The following TASP1 variants were observed in gnomAD, a reference collection of about 807,000 sequenced individuals.
TASP1 encodes the protein taspase 1, also known as threonine aspartase 1.
In TASP1, 16 loss-of-function variants were observed where a neutral mutation model predicts 56.6. That is an observed-to-expected ratio of 0.28 (90% CI 0.19 to 0.43). TASP1 has a LOEUF of 0.43. Among genes scored for constraint, TASP1 ranks in the 20% least tolerant of loss-of-function variants. The probability of loss-of-function intolerance (pLI) is 1.00; values close to 1 mark genes in which losing one functional copy is unlikely to be tolerated. For missense variants in TASP1, 393 were observed against 511.6 expected, an observed-to-expected ratio of 0.77 and a Z score of 2.24; for synonymous variants, 179 against 184.2, an observed-to-expected ratio of 0.97 and a Z score of 0.23.
chr20:13,298,317 G>A, the TASP1 span, among the ~76,000 whole-genome samples: 2 of 152,120 alleles, frequency 1.3e-5, no homozygotes, highest in African/African-American at 4.8e-5. Context: ...TTGTTGGCCA[G>A]GCTGGTCTTA....
the TASP1 span, among the ~76,000 whole-genome samples, chr20:13,131,637 T>C: frequency 6.6e-6 from 1 of 152,178 alleles, no homozygotes; most frequent in African/African-American, 2.4e-5. Context: ...ACTTGACATA[T>C]ATTCAGAATC....
At chr20:13,534,258 T>G in intron 8 of TASP1, 117 bp from the exon 9 acceptor site, 1 of 1,255,400 alleles carries the variant, frequency 8.0e-7, no homozygotes, top group Non-Finnish European at 1.1e-6. Flanking sequence ...AATCCCTAAG[T>G]GGAACATTGA....
chr20:13,605,973 T>C (rs1416583242), intron 4 of TASP1, among the ~76,000 whole-genome samples: 2 of 152,120 alleles, frequency 1.3e-5, no homozygotes, highest in Non-Finnish European at 2.9e-5. Context: ...TCTTCTCTCT[T>C]ACCACACTCC....
At chr20:13,146,721 T>C in the TASP1 span, among the ~76,000 whole-genome samples, 4 of 152,210 alleles carry the variant, frequency 2.6e-5, no homozygotes, top group African/African-American at 9.7e-5. Context: ...CAGAAATTTT[T>C]CATCTTCTAT....
intron 5 of TASP1, 77 bp downstream of exon 5, chr20:13,587,173 C>A: frequency 6.8e-7 from 1 of 1,477,436 alleles, no homozygotes; most frequent in South Asian, 1.4e-5. Context: ...GTGAAAAAGA[C>A]TGTAATCATC....
chr20:13,395,693 C>CT (rs71188158), intron 13 of TASP1, among the ~76,000 whole-genome samples: 15,586 of 136,314 alleles, frequency 0.11, 1,519 homozygotes, highest in African/African-American at 0.27. Flanking sequence ...CCTCAGCTTT[C>CT]TTTTTTTTTT....
At chr20:13,306,974 C>T in the TASP1 span, among the ~76,000 whole-genome samples, 1 of 152,256 alleles carries the variant, frequency 6.6e-6, no homozygotes, top group South Asian at 2.1e-4. Context: ...AGGAAAAAGA[C>T]CACATTTGAA....
the TASP1 span, among the ~76,000 whole-genome samples, chr20:13,344,914 C>T: frequency 1.3e-5 from 2 of 152,260 alleles, no homozygotes; most frequent in Non-Finnish European, 1.5e-5. Context: ...TGAAGCACAT[C>T]GAAGGCCCTC....
the TASP1 span, among the ~76,000 whole-genome samples, chr20:13,350,121 A>C: frequency 2.0e-5 from 3 of 152,228 alleles, no homozygotes; most frequent in African/African-American, 7.2e-5. Context: ...TGACAGAGCA[A>C]AGTCCTGTCT....
At chr20:13,298,931 G>C in the TASP1 span, 1 of 1,611,502 alleles carries the variant, frequency 6.2e-7, no homozygotes. Context: ...TTTCTCTTTG[G>C]CCTTTTCCAG....
At chr20:13,601,844 C>T (rs972488089) in intron 4 of TASP1, among the ~76,000 whole-genome samples, 31 of 149,320 alleles carry the variant, frequency 2.1e-4, no homozygotes, top group Admixed American at 2.0e-3. Flanking sequence ...TAAGGTCTTC[C>T]ACCTAAAAAC....
intron 9 of TASP1, among the ~76,000 whole-genome samples, chr20:13,529,989 A>T (rs2045156424): frequency 1.3e-5 from 2 of 152,094 alleles, no homozygotes; most frequent in African/African-American, 2.4e-5. Flanking sequence ...ACCTCCAACC[A>T]CTAGTCCTGC....
the TASP1 span, among the ~76,000 whole-genome samples, chr20:13,325,161 T>C: frequency 6.6e-6 from 1 of 151,996 alleles, no homozygotes; most frequent in Non-Finnish European, 1.5e-5. Context: ...GCCCGACAAA[T>C]GGGGTGAGGT....
intron 12 of TASP1, among the ~76,000 whole-genome samples, chr20:13,422,417 T>C (rs1031138418): frequency 6.6e-6 from 1 of 152,162 alleles, no homozygotes; most frequent in Non-Finnish European, 1.5e-5. Flanking sequence ...TTTAGCTGCT[T>C]TTCCATCTTT....
Position 13,475,586 on chromosome 20 carries a change from T to C in TASP1, c.985+7641A>G, listed in dbSNP as rs143089740. On this transcript the variant is annotated intron_variant, in intron 11 of 13. Transcript: ENST00000337743. ...CACACATTTCATATTTTCTATCTAGTAATTCTAATATCTAAAGTCTTTGGT... is the reference window on the plus strand; with the variant it reads ...CACACATTTCATATTTTCTATCTAGCAATTCTAATATCTAAAGTCTTTGGT... Among the ~76,000 whole-genome samples, 240 of 152,250 alleles carry C rather than the reference T, an allele frequency of 1.6e-3. 1 individual carries two copies. Among genetic ancestry groups the C allele is most frequent in the African/African-American group, 5.6e-3 (231 of 41,556 alleles).
At chr20:13,153,020 A>G in the TASP1 span, among the ~76,000 whole-genome samples, 3 of 152,246 alleles carry the variant, frequency 2.0e-5, no homozygotes, top group Non-Finnish European at 4.4e-5. Flanking sequence ...GGTCTGCTAA[A>G]GACAACCAAT....
At chr20:13,108,571 A>T in the TASP1 span, among the ~76,000 whole-genome samples, 4 of 151,998 alleles carry the variant, frequency 2.6e-5, no homozygotes, top group Admixed American at 1.3e-4. Context: ...GCAGCTTTAG[A>T]TTTATCTTTT....
the TASP1 span, among the ~76,000 whole-genome samples, chr20:13,329,546 C>G: frequency 6.7e-6 from 1 of 149,438 alleles, no homozygotes; most frequent in Non-Finnish European, 1.5e-5. Flanking sequence ...TAGTAATATG[C>G]TTTTGTTTTT....
chr20:13,547,719 T>C (rs930476014), intron 8 of TASP1, among the ~76,000 whole-genome samples: 3 of 151,856 alleles, frequency 2.0e-5, no homozygotes, highest in Non-Finnish European at 2.9e-5. Flanking sequence ...AAGCCAGGCA[T>C]GAAGATACTG....
Sources: allele counts gnomAD v4.1 joint callset (sites outside exome capture counted in the v4.1 genomes callset), GRCh38; gene constraint gnomAD v4.1.1; transcripts MANE v1.5; gene names NCBI Gene and HGNC (gene_info 2026-07-23, HGNC 2026-07-21).